Variants in PPM1B observed in about 807,000 individuals in gnomAD.
PPM1B encodes the protein protein phosphatase 1B.
In PPM1B, 22 loss-of-function variants were observed where a neutral mutation model predicts 43.0. That is an observed-to-expected ratio of 0.51 (90% CI 0.37 to 0.73). The LOEUF is 0.73. Among genes scored for constraint, PPM1B ranks in the 30% least tolerant of loss-of-function variants. The pLI is 0.00. For synonymous variants in PPM1B, 217 were observed against 197.9 expected (o/e 1.10, Z -0.81); for missense variants, 632 against 584.2 (o/e 1.08, Z -0.84).
intron 5 of PPM1B, chr2:44,229,997 AATG>A (rs1381279916): frequency 3.2e-6 from 5 of 1,586,038 alleles, no homozygotes; most frequent in Non-Finnish European, 3.4e-6. Context: ...ATTTAGCAGA[AATG>A]ATGAAGAAAC....
At chr2:44,232,594 CT>C (rs1670500010), downstream of PPM1B, 1 of 1,300,942 alleles carries the variant, frequency 7.7e-7, no homozygotes, top group African/African-American at 1.5e-5. Context: ...CTGTATTGAA[CT>C]TTCGGCCCTA....
At position 44,217,954 on chromosome 2, in the gene PPM1B, A is replaced by T. The variant is rs577388452; in HGVS notation, c.965-13A>T. The T allele has an allele frequency of 5.8e-6, 9 of 1,554,660 alleles. No homozygotes were observed. The East Asian group carries it at 6.9e-5, about 12-fold the overall frequency. ...TCACATTAATTTAGGAACTTTTTTTAAAAAACCTACAGAGATTATGGAGAA... is the reference window on the plus strand; with the variant it reads ...TCACATTAATTTAGGAACTTTTTTTTAAAAACCTACAGAGATTATGGAGAA... On this transcript the variant is annotated splice_polypyrimidine_tract_variant and intron_variant, in intron 3 of 5. Coordinates refer to ENST00000282412, the MANE Select transcript of PPM1B (RefSeq NM_002706.6).
chr2:44,203,775 G>A (rs537363868), intron 2 of PPM1B, among the ~76,000 whole-genome samples: 315 of 152,266 alleles, frequency 2.1e-3, no homozygotes, highest in African/African-American at 7.4e-3. Flanking sequence ...GAATGAGGTT[G>A]TGAGGGAATA....
At chr2:44,198,239 C>T (rs891418621) in intron 1 of PPM1B, among the ~76,000 whole-genome samples, 5 of 152,196 alleles carry the variant, frequency 3.3e-5, no homozygotes, top group African/African-American at 1.2e-4. Flanking sequence ...CGGCTCACCA[C>T]AACCTCTGCC....
chr2:44,231,317 CAT>C lies in PPM1B; in HGVS notation c.*601_*602del. 1.0e-6 allele frequency: 1 copy of C among 980,184 alleles called. No individual in the cohort carries two copies. Among genetic ancestry groups the C allele is most frequent in the Non-Finnish European group, 1.2e-6 (1 of 825,272 alleles). The allele number at this position is 980,184 out of a possible 1,614,324, so 60.7% of individuals were successfully genotyped here. On this transcript the variant is annotated 3_prime_UTR_variant, in exon 6 of 6. Transcript: ENST00000282412. ...TCCTTTCTCTGTATTCTTTATGAAA[CAT>C]AACTTTTGAAAAACCTATGTATTAT...
rs1239477583 is a variant in PPM1B, at chr2:44,240,499, T to G, written n.1547-3729T>G. On this transcript the variant is annotated intron_variant and non_coding_transcript_variant, in intron 5 of 5. Transcript: ENST00000378540. Reference sequence around the variant, plus strand: ...TTTCAGCAGAGAGTAGATTCTGTCTTATTTAAAATGTTTATATTATGTTCG... The same window carrying G: ...TTTCAGCAGAGAGTAGATTCTGTCTGATTTAAAATGTTTATATTATGTTCG... Among the ~76,000 whole-genome samples the G allele has an allele frequency of 1.4e-5, 2 of 146,092 alleles. 1 individual carries two copies. Among genetic ancestry groups the G allele is most frequent in the Non-Finnish European group, 3.1e-5 (2 of 65,464 alleles).
intron 2 of PPM1B, among the ~76,000 whole-genome samples, chr2:44,204,719 C>T (rs781298537): frequency 2.6e-5 from 4 of 151,484 alleles, no homozygotes; most frequent in Non-Finnish European, 4.4e-5. Flanking sequence ...ATCGGCCGGG[C>T]GTTGTGGTGG....
intron 3 of PPM1B, among the ~76,000 whole-genome samples, chr2:44,212,127 C>G (rs1016737875): frequency 5.3e-5 from 8 of 152,208 alleles, no homozygotes; most frequent in Non-Finnish European, 7.3e-5. Flanking sequence ...TATATGAGCA[C>G]AGACTCACGG....
intron 1 of PPM1B, among the ~76,000 whole-genome samples, chr2:44,191,435 C>T (rs1668398590): frequency 6.6e-6 from 1 of 152,094 alleles, no homozygotes; most frequent in Admixed American, 6.5e-5. Flanking sequence ...AGGCTGGTGT[C>T]GAACTCCTGA....
downstream of PPM1B, among the ~76,000 whole-genome samples, chr2:44,236,427 A>AAAAAAAAAAAAAAAAAAAAAAAT (rs1670615825): frequency 6.7e-6 from 1 of 148,530 alleles, no homozygotes; most frequent in Non-Finnish European, 1.5e-5. Flanking sequence ...AAAAAAAAAA[A>AAAAAAAAAAAAAAAAAAAAAAAT]GTTGTAATGA....
chr2:44,185,367 C>G (rs781771519), intron 1 of PPM1B, among the ~76,000 whole-genome samples: 1 of 152,132 alleles, frequency 6.6e-6, no homozygotes, highest in Middle Eastern at 3.2e-3. Flanking sequence ...TGAATAAATA[C>G]TTTTCATAGG....
At chr2:44,228,732 T>G (rs1465160170) in intron 5 of PPM1B, among the ~76,000 whole-genome samples, 1 of 152,216 alleles carries the variant, frequency 6.6e-6, no homozygotes, top group Admixed American at 6.5e-5. Context: ...GTATATTGTC[T>G]CTCTAGATTC....
At chr2:44,185,515 G>C (rs917050578) in intron 1 of PPM1B, among the ~76,000 whole-genome samples, 1 of 152,048 alleles carries the variant, frequency 6.6e-6, no homozygotes, top group Non-Finnish European at 1.5e-5. Flanking sequence ...TATTTTTCTT[G>C]TTGAAAGGCT....
At chr2:44,194,898 CTT>C (rs796213050) in intron 1 of PPM1B, among the ~76,000 whole-genome samples, 9 of 123,228 alleles carry the variant, frequency 7.3e-5, no homozygotes, top group Admixed American at 8.4e-5. Flanking sequence ...CAGTCTTTTG[CTT>C]TTTTTTTTTT....
At chr2:44,240,847 C>A (rs1053067462) in intron 5 of PPM1B, among the ~76,000 whole-genome samples, 1 of 145,840 alleles carries the variant, frequency 6.9e-6, no homozygotes, top group African/African-American at 2.5e-5. Context: ...GTGCTGTTGG[C>A]TTCCTTACGC....
chr2:44,244,265 A>G, exon 6 of PPM1B: 1 of 1,359,054 alleles, frequency 7.4e-7, no homozygotes. Flanking sequence ...AAACCTGCTG[A>G]GAGCTCTGGT....
intron 2 of PPM1B, among the ~76,000 whole-genome samples, chr2:44,205,566 A>G (rs952165060): frequency 7.9e-5 from 12 of 152,148 alleles, no homozygotes; most frequent in African/African-American, 2.9e-4. Flanking sequence ...TATCTTTCCA[A>G]ATGGTTCTCT....
intron 5 of PPM1B, among the ~76,000 whole-genome samples, chr2:44,221,778 TTAAA>T (rs1669985825): frequency 1.3e-5 from 2 of 152,256 alleles, no homozygotes; most frequent in Admixed American, 1.3e-4. Context: ...AAGACATCTT[TTAAA>T]TAAATATTTT....
chr2:44,191,005 A>G (rs533718163), intron 1 of PPM1B, among the ~76,000 whole-genome samples: 1 of 152,208 alleles, frequency 6.6e-6, no homozygotes, highest in Non-Finnish European at 1.5e-5. Context: ...GATTTAACAG[A>G]CATTAACATT....
Sources: gnomAD v4.1 joint callset for allele counts (sites outside exome capture counted in the v4.1 genomes callset) on GRCh38, gnomAD v4.1.1 for gene constraint, MANE v1.5 for transcripts, NCBI Gene and HGNC (gene_info 2026-07-23, HGNC 2026-07-21) for gene names.